The following ZNF410 variants were observed in gnomAD, a reference collection of about 807,000 sequenced individuals.
The protein encoded by ZNF410 is zinc finger protein 410, also known as another partner for ARF 1.
ZNF410 carries 18 observed loss-of-function variants against 54.8 expected under a neutral mutation model. That is an observed-to-expected ratio of 0.33 (90% CI 0.23 to 0.49). ZNF410 has a LOEUF of 0.49. ZNF410 is among the 20% of genes least tolerant of loss of function. ZNF410 has a pLI of 0.99. For missense variants in ZNF410, 405 were observed against 569.6 expected, an observed-to-expected ratio of 0.71 and a Z score of 2.94; for synonymous variants, 191 against 207.3, an observed-to-expected ratio of 0.92 and a Z score of 0.68.
At chr14:73,923,283 T>C (rs1251216245) in intron 10 of ZNF410, 112 bp from the exon 11 acceptor site, 4 of 1,191,056 alleles carry the variant, frequency 3.4e-6, no homozygotes, top group Admixed American at 6.2e-5. Flanking sequence ...AATAGAGGAA[T>C]GTGGGAAATA....
intron 3 of ZNF410, chr14:73,896,102 G>C (rs781415179): frequency 2.4e-5 from 13 of 546,770 alleles, no homozygotes; most frequent in South Asian, 1.9e-4. Flanking sequence ...CCAAGTGACA[G>C]AGAATTCTGT....
At chr14:73,927,423 T>C (rs558195174) in intron 11 of ZNF410, among the ~76,000 whole-genome samples, 1 of 152,202 alleles carries the variant, frequency 6.6e-6, no homozygotes, top group African/African-American at 2.4e-5. Flanking sequence ...TCATCAACCA[T>C]AGGGTTGCCC....
chr14:73,907,594 CA>C (rs1004833866), intron 7 of ZNF410, among the ~76,000 whole-genome samples: 21 of 144,076 alleles, frequency 1.5e-4, no homozygotes, highest in Admixed American at 2.8e-4. Flanking sequence ...GACTCCATCT[CA>C]AAAAAAAAAA....
Position 73,931,551 on chromosome 14 carries a change from C to A in ZNF410, c.*10C>A. 1 of 1,610,208 alleles carries A rather than the reference C, an allele frequency of 6.2e-7. No homozygotes were observed. The highest frequency in any genetic ancestry group is 2.2e-5 in the East Asian group (1 of 44,714). On this transcript the variant is annotated 3_prime_UTR_variant, in exon 12 of 12. Transcript: ENST00000555044. ...TGAAAGACGGACATGAGCGTGGGTG[C>A]TGACTCCTGGAAGAGCAACTCTATC...
Position 73,931,597 on chromosome 14 carries a change from T to C in ZNF410, c.*56T>C. Reference sequence around the variant, plus strand: ...CTATCTGATCTCAAAATGCGTATACTGGGAACAGGATGCCTTAGCCCACAA... The same window carrying C: ...CTATCTGATCTCAAAATGCGTATACCGGGAACAGGATGCCTTAGCCCACAA... On this transcript the variant is annotated 3_prime_UTR_variant, in exon 12 of 12. Transcript: ENST00000555044. The C allele has an allele frequency of 1.3e-6, 2 of 1,543,112 alleles. No individual in the cohort carries two copies. Among genetic ancestry groups the C allele is most frequent in the Non-Finnish European group, 8.9e-7 (1 of 1,118,564 alleles).
chr14:73,917,606 T>C (rs1439280928), intron 8 of ZNF410, among the ~76,000 whole-genome samples: 1 of 152,112 alleles, frequency 6.6e-6, no homozygotes, highest in Non-Finnish European at 1.5e-5. Flanking sequence ...GTGGATCACC[T>C]GAGGTCAGGA....
At chr14:73,906,850 T>G (rs886183263) in intron 7 of ZNF410, among the ~76,000 whole-genome samples, 1 of 152,160 alleles carries the variant, frequency 6.6e-6, no homozygotes, top group African/African-American at 2.4e-5. Flanking sequence ...TTTCTAGCTT[T>G]TATCTCTGTT....
intron 7 of ZNF410, 26 bp from the exon 8 acceptor site, chr14:73,909,315 G>T (rs1191665906): frequency 6.3e-7 from 1 of 1,596,086 alleles, no homozygotes. Flanking sequence ...AGAAGACTGA[G>T]TCTTTATCTC....
At chr14:73,901,961 G>GA (rs969663253) in intron 5 of ZNF410, among the ~76,000 whole-genome samples, 1 of 149,906 alleles carries the variant, frequency 6.7e-6, no homozygotes, top group African/African-American at 2.4e-5. Context: ...AAATTTAAAA[G>GA]AAAAAAGCAT....
At chr14:73,887,926 T>C (rs1007070750) in intron 1 of ZNF410, among the ~76,000 whole-genome samples, 1 of 152,164 alleles carries the variant, frequency 6.6e-6, no homozygotes, top group Non-Finnish European at 1.5e-5. Flanking sequence ...GAACTTTGAG[T>C]AGAAGTGACA....
intron 5 of ZNF410, among the ~76,000 whole-genome samples, chr14:73,899,064 A>G (rs965134098): frequency 3.9e-4 from 59 of 152,234 alleles, no homozygotes; most frequent in Admixed American, 5.9e-4. Flanking sequence ...ACACAACTCA[A>G]TACAACATGG....
chr14:73,924,823 C>T (rs897019097), intron 11 of ZNF410: 15 of 346,024 alleles, frequency 4.3e-5, no homozygotes, highest in South Asian at 1.5e-4. Context: ...ACTACAGGTG[C>T]GTGCCACCAC....
In ZNF410 at chr14:73,930,537, G is replaced by T. The variant is rs77812429; in HGVS notation, c.1399-966G>T. On this transcript the variant is annotated intron_variant, in intron 11 of 11. Transcript: ENST00000555044. Reference sequence around the variant, plus strand: ...CCAAGTAAATACATCTCAAGCTGAAGAATTTATTTGATTAGATTTTAATAA... The same window carrying T: ...CCAAGTAAATACATCTCAAGCTGAATAATTTATTTGATTAGATTTTAATAA... 1.7e-3 allele frequency among the ~76,000 whole-genome samples: 264 copies of T among 152,172 alleles called. 1 individual carries two copies. Among genetic ancestry groups the T allele is most frequent in the Middle Eastern group, 3.4e-3 (1 of 294 alleles).
At chr14:73,905,159 C>G in intron 7 of ZNF410, 76 bp downstream of exon 7, 1 of 1,467,674 alleles carries the variant, frequency 6.8e-7, no homozygotes, top group East Asian at 2.3e-5. Context: ...AGGAAAGACT[C>G]AAGTGGGAAT....
In ZNF410 at chr14:73,904,038, A is replaced by G. The variant is rs1566656558; in HGVS notation, c.659A>G (p.Lys220Arg). ...CTTCCTCAAGTGGAAAAGAAGCTCA[A>G]GTGTACAGTTGAAGGTTGTGACCGG... ...GPLPQVEKKLKCTVEGCDRTF... is the reference protein window; with the variant it reads ...GPLPQVEKKLRCTVEGCDRTF... Residue 220 changes from lysine to arginine, a missense_variant, in exon 6 of 12, where the codon AAG (lysine) becomes AGG (arginine). Physicochemically the swap from Lys to Arg is conservative, Grantham distance 26. This residue lies in a region of ZNF410 where 247 missense variants were observed against 342.8 expected (regional missense o/e 0.72). Transcript: ENST00000555044. The G allele has an allele frequency of 5.0e-6, 8 of 1,614,198 alleles. No individual in the cohort carries two copies. The highest frequency in any genetic ancestry group is 1.1e-5 in the South Asian group (1 of 91,084).
Position 73,905,034 on chromosome 14 carries a change from G to A in ZNF410, c.864G>A (p.Lys288=). ...TGTGCCATGAGTCTGGCTGTGGTAAGCAGTTTACTACAGCTGGAAACCTGA... is the reference window on the plus strand; with the variant it reads ...TGTGCCATGAGTCTGGCTGTGGTAAACAGTTTACTACAGCTGGAAACCTGA... The part of the protein sequence containing the change: ...PFMCHESGCG[K]QFTTAGNLKN... The change falls in exon 7 of 12, where the codon AAG becomes AAA. Residue 288 remains lysine, a synonymous_variant. Coordinates refer to ENST00000555044, the MANE Select transcript of ZNF410 (RefSeq NM_021188.3). 1 of 1,613,958 alleles carries A rather than the reference G, an allele frequency of 6.2e-7. No individual in the cohort carries two copies. The highest frequency in any genetic ancestry group is 8.5e-7 in the Non-Finnish European group (1 of 1,180,028).
At chr14:73,905,994 T>TATATATATAC (rs1293177402) in intron 7 of ZNF410, among the ~76,000 whole-genome samples, 170 of 136,578 alleles carry the variant, frequency 1.2e-3, no homozygotes, top group African/African-American at 3.9e-3. Context: ...TATATATATA[T>TATATATATAC]ACACACATAC....
rs1313245959 is a variant in ZNF410 at position 73,923,392 on chromosome 14, C to T, written c.1271-3C>T. ...ATTGAAACATTTTTCTGTTGCTTCA[C>T]AGAGGTGCTTGCTGAAGGATCCCCA... On this transcript the variant is annotated splice_polypyrimidine_tract_variant and splice_region_variant and intron_variant, in intron 10 of 11. Coordinates refer to ENST00000555044, the MANE Select transcript of ZNF410 (RefSeq NM_021188.3). 6.2e-7 allele frequency: 1 copy of T among 1,612,018 alleles called. No individual in the cohort carries two copies. The highest frequency in any genetic ancestry group is 2.2e-5 in the East Asian group (1 of 44,846).
chr14:73,898,083 C>G lies in ZNF410; in HGVS notation c.401C>G (p.Ser134Ter). 1 of 1,612,980 alleles carries G rather than the reference C, an allele frequency of 6.2e-7. No individual in the cohort carries two copies. The highest frequency in any genetic ancestry group is 8.5e-7 in the Non-Finnish European group (1 of 1,179,438). Residue 134 changes from serine (S) to a stop codon, truncating the protein, a stop_gained, in exon 5 of 12, where the codon TCA (serine) becomes TGA (stop). Transcript: ENST00000555044. LOFTEE classifies it high-confidence loss of function. ...TTGTTTCTTCCAGGTCTGGGCTCTT[C>G]AGCTGAGCACTTAGTGTTTGTACAG... ...LNLTRAGLGS[S>*]AEHLVFVQDE...
Sources: allele counts gnomAD v4.1 joint callset (sites outside exome capture counted in the v4.1 genomes callset), GRCh38; gene constraint gnomAD v4.1.1; regional missense constraint gnomAD v4.1.1; transcripts MANE v1.5; gene names NCBI Gene and HGNC (gene_info 2026-07-23, HGNC 2026-07-21).